Variants in ZNF276 observed in about 807,000 individuals in gnomAD.
ZNF276 encodes zinc finger protein 276.
ZNF276 carries 59 observed loss-of-function variants against 63.9 expected under a neutral mutation model. That is an observed-to-expected ratio of 0.92 (90% CI 0.75 to 1.15). The LOEUF (loss-of-function observed/expected upper bound fraction) is 1.15. ZNF276 is among the 50% of genes most tolerant of loss of function. ZNF276 has a pLI of 0.00. For missense variants in ZNF276, 1,084 were observed against 843.8 expected (o/e 1.28, Z -3.53); for synonymous variants, 496 against 348.4 (o/e 1.42, Z -4.72).
At chr16:89,737,761 G>A (rs779117643) in intron 9 of ZNF276, 45 bp from the exon 10 acceptor site, 4 of 1,611,332 alleles carry the variant, frequency 2.5e-6, no homozygotes, top group Admixed American at 1.7e-5. Flanking sequence ...CCCCCGGGAG[G>A]TTGGAGCATC....
chr16:89,727,005 T>C (rs529826754), intron 4 of ZNF276, among the ~76,000 whole-genome samples: 2 of 152,292 alleles, frequency 1.3e-5, no homozygotes, highest in African/African-American at 4.8e-5. Context: ...AAGGACTGGA[T>C]CGGAGTCAGT....
At chr16:89,728,551 C>T (rs527943042) in intron 5 of ZNF276, among the ~76,000 whole-genome samples, 32 of 152,300 alleles carry the variant, frequency 2.1e-4, no homozygotes, top group East Asian at 7.7e-4. Context: ...TACAGGCACC[C>T]GCCACCACGC....
chr16:89,733,782 A>G (rs1428903472), intron 8 of ZNF276, 139 bp from the exon 9 acceptor site: 38 of 894,644 alleles, frequency 4.2e-5, no homozygotes, highest in Non-Finnish European at 6.2e-5. Context: ...TCTTGGAGTG[A>G]AGCTGTGAAG....
Position 89,740,674 on chromosome 16 carries a change from C to G in ZNF276, c.*2428C>G. 4.3e-6 allele frequency: 3 copies of G among 702,412 alleles called. No homozygotes were observed. The Admixed American group carries it at 7.7e-5, about 18-fold the overall frequency. 43.5% of individuals were successfully genotyped at this position (702,412 alleles called of 1,614,324 possible). A position where few individuals can be genotyped will look rare whatever the true frequency, so the allele number is the denominator to read the frequency against. ...AAAAAACCCACGGCCTGGGAGTTCT[C>G]ACTCACACTTCCGCAAACACAAGGA... On this transcript the variant is annotated 3_prime_UTR_variant, in exon 11 of 11. Coordinates refer to ENST00000443381, the MANE Select transcript of ZNF276 (RefSeq NM_001113525.2).
chr16:89,732,774 A>AC (rs1440201042), intron 6 of ZNF276: 18 of 171,658 alleles, frequency 1.0e-4, no homozygotes, highest in East Asian at 3.4e-4. Flanking sequence ...TGCTGTGTTC[A>AC]CCCTGACCCT....
chr16:89,720,609 C>T (rs891585819), upstream of ZNF276: 56 of 1,230,866 alleles, frequency 4.5e-5, no homozygotes, highest in Non-Finnish European at 5.1e-5. Context: ...CTGCGCCCCG[C>T]CCCCGTCCTC....
In ZNF276 at chr16:89,738,895, G is replaced by C. The variant is rs940187828; in HGVS notation, c.*649G>C. On this transcript the variant is annotated 3_prime_UTR_variant, in exon 11 of 11. Transcript: ENST00000443381. ...TCTTGACGTTACCTCTGCCACGTGTGAGAAGCTCTTTTTCGGGCACCGAGG... is the reference window on the plus strand; with the variant it reads ...TCTTGACGTTACCTCTGCCACGTGTCAGAAGCTCTTTTTCGGGCACCGAGG... 6 of 1,614,138 alleles carry C rather than the reference G, an allele frequency of 3.7e-6. No homozygotes were observed. The highest frequency in any genetic ancestry group is 5.1e-6 in the Non-Finnish European group (6 of 1,180,062).
chr16:89,721,941 C>G (rs1449948042), intron 1 of ZNF276, 96 bp downstream of exon 1: 2 of 874,666 alleles, frequency 2.3e-6, no homozygotes, highest in East Asian at 3.9e-5. Context: ...GCGGCCTCTC[C>G]TCCACCCGGC....
rs760427519 is a variant in ZNF276 at position 89,740,007 on chromosome 16, C to T, written c.*1761C>T. ...CGTGTTTCTTACCACTCTCTGTCAA[C>T]TGAAAGAGTGCCAGCCAGGATATCT... On this transcript the variant is annotated 3_prime_UTR_variant, in exon 11 of 11. Coordinates refer to ENST00000443381, the MANE Select transcript of ZNF276 (RefSeq NM_001113525.2). The T allele has an allele frequency of 1.2e-6, 2 of 1,614,190 alleles. No individual in the cohort carries two copies. The highest frequency in any genetic ancestry group is 1.7e-6 in the Non-Finnish European group (2 of 1,179,996).
rs993748964 is a variant in ZNF276 at position 89,737,687 on chromosome 16, G to A, written c.1475-119G>A. 2.6e-5 allele frequency: 41 copies of A among 1,555,266 alleles called. 1 individual carries two copies. The South Asian group carries it at 4.7e-4, about 18-fold the overall frequency. ...CATAGGCCCCTTGCTTGGGCCCACT[G>A]CATGGTGAACCATGTGCAGAAATGT... On this transcript the variant is annotated intron_variant, in intron 9 of 10. Transcript: ENST00000443381.
Position 89,739,966 on chromosome 16 carries a change from A to G in ZNF276, c.*1720A>G. 6.2e-7 allele frequency: 1 copy of G among 1,612,714 alleles called. No individual in the cohort carries two copies. Among genetic ancestry groups the G allele is most frequent in the South Asian group, 1.1e-5 (1 of 91,074 alleles). On this transcript the variant is annotated 3_prime_UTR_variant, in exon 11 of 11. Coordinates refer to ENST00000443381, the MANE Select transcript of ZNF276 (RefSeq NM_001113525.2). ...GCCTCTGAAAAGAGCGGCCCTCCGC[A>G]TTTGTGCCTCAGCAGCGTGTTTCTT...
chr16:89,733,709 T>A lies in ZNF276; in HGVS notation c.1356+152T>A, dbSNP rs2061752227. 4.1e-6 allele frequency: 4 copies of A among 970,734 alleles called. No homozygotes were observed. In the South Asian group the frequency reaches 6.1e-5, roughly 15 times the overall value. 60.1% of individuals were successfully genotyped at this position (970,734 alleles called of 1,614,324 possible). A position where few individuals can be genotyped will look rare whatever the true frequency, so the allele number is the denominator to read the frequency against. On this transcript the variant is annotated intron_variant, in intron 8 of 10. Transcript: ENST00000443381. ...CCTGAAGCAGTCCTAGCCAGTGCCA[T>A]CCTTGGGGGTAGATGTGAGGCCAGA...
Position 89,739,354 on chromosome 16 carries a change from G to A in ZNF276, c.*1108G>A. On this transcript the variant is annotated 3_prime_UTR_variant, in exon 11 of 11. Transcript: ENST00000443381. ...TGGAAAGGTAGCAGGTGATGCCAAG[G>A]GATACTGCTCATCTGTGGAGCAGAG... The A allele has an allele frequency of 6.2e-7, 1 of 1,600,028 alleles. No individual in the cohort carries two copies. Among genetic ancestry groups the A allele is most frequent in the South Asian group, 1.1e-5 (1 of 90,284 alleles).
Position 89,722,747 on chromosome 16 carries a change from C to T in ZNF276, c.422C>T (p.Ala141Val), listed in dbSNP as rs1160590312. 3.1e-6 allele frequency: 5 copies of T among 1,611,442 alleles called. No individual in the cohort carries two copies. The highest frequency in any genetic ancestry group is 2.2e-5 in the East Asian group (1 of 44,892). The change falls in exon 2 of 11, where the codon GCC becomes GTC. Residue 141 changes from alanine (A) to valine (V), a missense_variant. Transcript: ENST00000443381. ...LSPFVCKSCH[A>V]QFYQCHSLLK... ...CCGTTTGTCTGCAAGAGCTGCCACG[C>T]CCAGTTCTACCAGTGCCACAGCCTT... is the stretch of plus-strand genomic sequence containing the variant.
chr16:89,724,824 A>T lies in ZNF276; in HGVS notation c.1006+1115A>T, dbSNP rs542734664. 2.2e-4 allele frequency among the ~76,000 whole-genome samples: 29 copies of T among 132,520 alleles called. No homozygotes were observed. The South Asian group carries it at 5.9e-3, about 27-fold the overall frequency. The allele number at this position is 132,520 out of a possible 152,430, so 86.9% of individuals were successfully genotyped here. A position where few individuals can be genotyped will look rare whatever the true frequency, so the allele number is the denominator to read the frequency against. On this transcript the variant is annotated intron_variant, in intron 4 of 10. Transcript: ENST00000443381. ...ATTCTATCTATCTGTGTATCTATCT[A>T]CCTACCTACCTATCTATCTTCCTAC...
rs565924938 is a variant in ZNF276 at position 89,739,258 on chromosome 16, T to C, written c.*1012T>C. ...ACATGCAGGAAGGCCTCTTCCCTGA[T>C]GGCCGCGTCTTCATGGAAGTAGGAG... On this transcript the variant is annotated 3_prime_UTR_variant, in exon 11 of 11. Coordinates refer to ENST00000443381, the MANE Select transcript of ZNF276 (RefSeq NM_001113525.2). The C allele has an allele frequency of 1.2e-6, 2 of 1,614,156 alleles. No individual in the cohort carries two copies. The highest frequency in any genetic ancestry group is 1.3e-5 in the African/African-American group (1 of 75,064).
chr16:89,738,627 G>A lies in ZNF276; in HGVS notation c.*381G>A, dbSNP rs1567590925. 6.8e-6 allele frequency: 11 copies of A among 1,613,700 alleles called. No homozygotes were observed. The highest frequency in any genetic ancestry group is 9.3e-6 in the Non-Finnish European group (11 of 1,180,040). ...CAGAAGAGATGAGGCTCCTGGGACA[G>A]GTCAGCGTCAGGGGCAGCCTGCTGT... On this transcript the variant is annotated 3_prime_UTR_variant, in exon 11 of 11. Transcript: ENST00000443381.
chr16:89,727,056 C>A (rs1411698882), intron 4 of ZNF276, among the ~76,000 whole-genome samples: 1 of 152,228 alleles, frequency 6.6e-6, no homozygotes, highest in Non-Finnish European at 1.5e-5. Context: ...CCTGAGGGTT[C>A]TGATGCTTGT....
intron 2 of ZNF276, 71 bp downstream of exon 2, chr16:89,722,905 C>A: frequency 6.4e-7 from 1 of 1,562,218 alleles, no homozygotes; most frequent in South Asian, 1.2e-5. Context: ...GAGAGAGGGA[C>A]AGGGCGTGCC....
Sources: gnomAD v4.1 joint callset for allele counts (sites outside exome capture counted in the v4.1 genomes callset) on GRCh38, gnomAD v4.1.1 for gene constraint, MANE v1.5 for transcripts, NCBI Gene and HGNC (gene_info 2026-07-23, HGNC 2026-07-21) for gene names.